Variants in TPRG1 observed in about 807,000 individuals in gnomAD.
The protein encoded by TPRG1 is tumor protein p63-regulated gene 1 protein.
In TPRG1, 29 loss-of-function variants were observed where a neutral mutation model predicts 29.3. That is an observed-to-expected ratio of 0.99 (90% confidence interval 0.74 to 1.35). The LOEUF (loss-of-function observed/expected upper bound fraction) is 1.35. TPRG1 is among the 40% of genes most tolerant of loss of function. TPRG1 has a pLI of 0.00. For synonymous variants in TPRG1, 130 were observed against 116.8 expected, an observed-to-expected ratio of 1.11 and a Z score of -0.73; for missense variants, 327 against 335.0, an observed-to-expected ratio of 0.98 and a Z score of 0.19.
At position 189,321,009 on chromosome 3, in the gene TPRG1, C is replaced by T. The variant is rs1724263174; in HGVS notation, c.*189C>T. The T allele has an allele frequency of 2.2e-6, 1 of 444,490 alleles. No homozygotes were observed. The highest frequency in any genetic ancestry group is 3.8e-6 in the Non-Finnish European group (1 of 260,142). 27.5% of individuals were successfully genotyped at this position (444,490 alleles called of 1,614,324 possible). On this transcript the variant is annotated 3_prime_UTR_variant, in exon 6 of 6. Coordinates refer to ENST00000345063, the MANE Select transcript of TPRG1 (RefSeq NM_198485.4). Reference sequence around the variant, plus strand: ...ATAGATACACACTTTAGACCTCATACAAGAATAATCAAATTTTCTTAAAAC... The same window carrying T: ...ATAGATACACACTTTAGACCTCATATAAGAATAATCAAATTTTCTTAAAAC...
chr3:189,312,131 T>C (rs867261750), intron 5 of TPRG1, among the ~76,000 whole-genome samples: 11,490 of 52,184 alleles, frequency 0.22, 880 homozygotes, highest in Middle Eastern at 0.28. Flanking sequence ...CTTTCTTTCT[T>C]TCTTTCTTTC....
chr3:189,064,589 A>G (rs951106211), intron 4 of TPRG1, among the ~76,000 whole-genome samples: 1 of 152,264 alleles, frequency 6.6e-6, no homozygotes, highest in East Asian at 1.9e-4. Context: ...ATGAAAGCAA[A>G]AGCTGATTCT....
At chr3:189,253,929 C>A (rs1179877923) in intron 4 of TPRG1, among the ~76,000 whole-genome samples, 1 of 152,174 alleles carries the variant, frequency 6.6e-6, no homozygotes, top group Non-Finnish European at 1.5e-5. Flanking sequence ...ACATCCTTCA[C>A]CCACTTTTTG....
At position 189,117,084 on chromosome 3, in the gene TPRG1, C is replaced by T. The variant is rs114056427; in HGVS notation, c.-743-9973C>T. 6.7e-3 allele frequency among the ~76,000 whole-genome samples: 1,015 copies of T among 152,268 alleles called. 13 individuals are homozygous for T. Among genetic ancestry groups the T allele is most frequent in the African/African-American group, 0.023 (938 of 41,536 alleles). The stretch of plus-strand genomic sequence containing the variant: ...TTTACTTTAAGGATGTCTCTTTCTC[C>T]AGTTTAAACAGTCTTACTTCCTTTA... On this transcript the variant is annotated intron_variant, in intron 1 of 6. Transcript: ENST00000412373.
rs563247870 is a variant in TPRG1, at chr3:189,324,480, C to T, written c.*3660C>T. ...AAATGAGAAAACAATAGGGCACAGTCGTTTGGGAAGAATTTCCAGAAATTG... is the reference window on the plus strand; with the variant it reads ...AAATGAGAAAACAATAGGGCACAGTTGTTTGGGAAGAATTTCCAGAAATTG... On this transcript the variant is annotated 3_prime_UTR_variant, in exon 6 of 6. Coordinates refer to ENST00000345063, the MANE Select transcript of TPRG1 (RefSeq NM_198485.4). 6.6e-5 allele frequency: 10 copies of T among 152,206 alleles called. No homozygotes were observed. The South Asian group carries it at 1.7e-3, about 25-fold the overall frequency. 9.4% of individuals were successfully genotyped at this position (152,206 alleles called of 1,614,324 possible). A position where few individuals can be genotyped will look rare whatever the true frequency, so the allele number is the denominator to read the frequency against.
At chr3:189,199,616 G>A (rs1284900927) in intron 1 of TPRG1, among the ~76,000 whole-genome samples, 1 of 152,122 alleles carries the variant, frequency 6.6e-6, no homozygotes. Context: ...CGAGGCAGGC[G>A]AATCATGAGG....
intron 5 of TPRG1, among the ~76,000 whole-genome samples, chr3:189,157,292 C>T (rs1726820308): frequency 6.6e-6 from 1 of 152,164 alleles, no homozygotes; most frequent in South Asian, 2.1e-4. Context: ...CCTTCTTTTC[C>T]CTGCTGTCCT....
rs1040937299 is a variant in TPRG1, at chr3:189,312,161, C to G, written c.633+1622C>G. On this transcript the variant is annotated intron_variant, in intron 5 of 5. Coordinates refer to ENST00000345063, the MANE Select transcript of TPRG1 (RefSeq NM_198485.4). ...TCTTTCTTTCTTTCTTTCTTTCTTT[C>G]TTTCTTTCTTTCTTTCTTTCTTTTT... 6.0e-5 allele frequency among the ~76,000 whole-genome samples: 4 copies of G among 67,176 alleles called. 1 individual carries two copies. The Admixed American group carries it at 7.8e-4, about 13-fold the overall frequency. The allele number at this position is 67,176 out of a possible 152,430, so 44.1% of individuals were successfully genotyped here.
rs1050356446 is a variant in TPRG1, at chr3:189,321,937, A to T, written c.*1117A>T. The T allele has an allele frequency of 1.3e-5, 2 of 151,788 alleles. No homozygotes were observed. The highest frequency in any genetic ancestry group is 2.9e-5 in the Non-Finnish European group (2 of 67,986). The allele number at this position is 151,788 out of a possible 1,614,324, so 9.4% of individuals were successfully genotyped here. A position where few individuals can be genotyped will look rare whatever the true frequency, so the allele number is the denominator to read the frequency against. ...TTCAAAAACACTGTCTTAACACTCT[A>T]TTGTCATTGCTCTTTTCCCTCTTAT... On this transcript the variant is annotated 3_prime_UTR_variant, in exon 6 of 6. Transcript: ENST00000345063.
chr3:189,099,161 C>T (rs989871847), upstream of TPRG1, among the ~76,000 whole-genome samples: 1 of 152,010 alleles, frequency 6.6e-6, no homozygotes, highest in Non-Finnish European at 1.5e-5. Context: ...TTGGTCAGCT[C>T]CCCACAAGCG....
intron 4 of TPRG1, among the ~76,000 whole-genome samples, chr3:189,149,200 C>T (rs760586288): frequency 4.6e-5 from 7 of 152,142 alleles, no homozygotes; most frequent in Admixed American, 2.6e-4. Context: ...ATATTGCTAA[C>T]GGACACGTGT....
chr3:189,070,840 C>T lies in TPRG1; in HGVS notation c.-463+46894C>T, dbSNP rs140280833. On this transcript the variant is annotated intron_variant, in intron 4 of 10. Coordinates refer to the TPRG1 transcript ENST00000433971. ...TGGCAGGAGATTGAGTTGGGGCTTG[C>T]GAGAAGTGTGAATCTCTGTGTGACC... 2.5e-3 allele frequency among the ~76,000 whole-genome samples: 381 copies of T among 152,056 alleles called. 2 individuals carry two copies. The highest frequency in any genetic ancestry group is 8.2e-3 in the African/African-American group (338 of 41,450).
chr3:189,109,300 C>T (rs908351826), intron 1 of TPRG1, among the ~76,000 whole-genome samples: 3 of 152,252 alleles, frequency 2.0e-5, no homozygotes, highest in South Asian at 4.1e-4. Flanking sequence ...CTGTCTAGTG[C>T]GTGTGGTGCG....
intron 1 of TPRG1, among the ~76,000 whole-genome samples, chr3:189,202,420 C>A (rs114299503): frequency 9.3e-4 from 141 of 152,258 alleles, no homozygotes; most frequent in African/African-American, 2.5e-3. Context: ...ATTATGATCT[C>A]TATGCCCCAA....
intron 1 of TPRG1, among the ~76,000 whole-genome samples, chr3:189,186,580 C>T (rs915374923): frequency 8.6e-5 from 13 of 151,920 alleles, no homozygotes; most frequent in Non-Finnish European, 1.6e-4. Flanking sequence ...AAATATATTC[C>T]GGCTCTTTTA....
intron 3 of TPRG1, among the ~76,000 whole-genome samples, chr3:189,138,935 G>C (rs1276659079): frequency 1.3e-5 from 2 of 152,190 alleles, no homozygotes; most frequent in Non-Finnish European, 2.9e-5. Context: ...AAAAGAAGAT[G>C]AATGATTCTA....
chr3:189,228,638 T>A (rs1339987097), intron 3 of TPRG1, among the ~76,000 whole-genome samples: 2 of 152,112 alleles, frequency 1.3e-5, no homozygotes, highest in African/African-American at 4.8e-5. Context: ...TTGCATAAAA[T>A]CTATAGATAA....
chr3:189,099,160 T>A (rs955905695), upstream of TPRG1, among the ~76,000 whole-genome samples: 1 of 151,876 alleles, frequency 6.6e-6, no homozygotes, highest in African/African-American at 2.4e-5. Flanking sequence ...CTTGGTCAGC[T>A]CCCCACAAGC....
At chr3:189,269,506 C>T (rs773018007) in intron 4 of TPRG1, among the ~76,000 whole-genome samples, 2 of 151,922 alleles carry the variant, frequency 1.3e-5, no homozygotes, top group East Asian at 3.9e-4. Flanking sequence ...TATTGAGTCC[C>T]GGAGCTGTGC....
Sources: allele counts gnomAD v4.1 joint callset (sites outside exome capture counted in the v4.1 genomes callset), GRCh38; gene constraint gnomAD v4.1.1; transcripts MANE v1.5; gene names NCBI Gene and HGNC (gene_info 2026-07-23, HGNC 2026-07-21).